FOXP1: variants seen among roughly 807,000 people sequenced by gnomAD.
FOXP1 encodes the protein forkhead box P1.
A neutral mutation model predicts 98.2 loss-of-function variants in FOXP1; 15 were observed. That is an observed-to-expected ratio of 0.15 (90% confidence interval 0.10 to 0.24). The LOEUF is 0.24. FOXP1 is among the 10% of genes least tolerant of loss of function. FOXP1 has a pLI of 1.00. For synonymous variants in FOXP1, 371 were observed against 314.5 expected, an observed-to-expected ratio of 1.18 and a Z score of -1.90; for missense variants, 633 against 848.5, an observed-to-expected ratio of 0.75 and a Z score of 3.15.
intron 4 of FOXP1, among the ~76,000 whole-genome samples, chr3:71,316,505 G>A (rs941434989): frequency 2.0e-5 from 3 of 152,086 alleles, no homozygotes; most frequent in South Asian, 2.1e-4. Flanking sequence ...CGGGTCCCAC[G>A]TGGGGCCCGG....
chr3:71,127,492 C>T (rs915944016), intron 6 of FOXP1, among the ~76,000 whole-genome samples: 3 of 152,270 alleles, frequency 2.0e-5, no homozygotes, highest in South Asian at 2.1e-4. Flanking sequence ...AAATAAAGAA[C>T]GATTAGTCTT....
At position 71,404,120 on chromosome 3, in the gene FOXP1, C is replaced by CTTTTTTTTTTTTTTTTT. The variant is rs869086663; in HGVS notation, c.-167-44893_-167-44877dup. Among the ~76,000 whole-genome samples the CTTTTTTTTTTTTTTTTT allele has an allele frequency of 2.7e-4, 17 of 62,702 alleles. 1 individual carries two copies. The highest frequency in any genetic ancestry group is 3.8e-4 in the African/African-American group (6 of 15,732). 41.1% of individuals were successfully genotyped at this position (62,702 alleles called of 152,430 possible). A position where few individuals can be genotyped will look rare whatever the true frequency, so the allele number is the denominator to read the frequency against. On this transcript the variant is annotated intron_variant, in intron 3 of 20. Coordinates refer to ENST00000649528, the MANE Select transcript of FOXP1 (RefSeq NM_001349338.3). Reference sequence around the variant, plus strand: ...ATTGGGGTTTTTTTCTTTTCTTTTTCTTTTTTTTTTTTTTTTTTTTTTTTG... The same window carrying CTTTTTTTTTTTTTTTTT: ...ATTGGGGTTTTTTTCTTTTCTTTTTCTTTTTTTTTTTTTTTTTTTTTTTTTTTTTTTTTTTTTTTTTG...
At chr3:71,461,788 A>G (rs2088145354) in intron 3 of FOXP1, among the ~76,000 whole-genome samples, 1 of 151,798 alleles carries the variant, frequency 6.6e-6, no homozygotes. Flanking sequence ...AAAAAGAGCG[A>G]GACTCTGTAT....
intron 11 of FOXP1, among the ~76,000 whole-genome samples, chr3:71,017,669 A>G (rs1020867299): frequency 6.6e-6 from 1 of 152,202 alleles, no homozygotes; most frequent in African/African-American, 2.4e-5. Flanking sequence ...TCACGTATCA[A>G]CTTAACTCTA....
chr3:71,238,617 C>A (rs1312165434), intron 5 of FOXP1, among the ~76,000 whole-genome samples: 2 of 152,214 alleles, frequency 1.3e-5, no homozygotes, highest in African/African-American at 4.8e-5. Context: ...AGCACCTATC[C>A]TGAAAAGCTA....
At chr3:71,542,171 A>C (rs1457511442) in intron 2 of FOXP1, 1 of 408,134 alleles carries the variant, frequency 2.5e-6, no homozygotes, top group Non-Finnish European at 4.9e-6. Flanking sequence ...TGAAAAAAAC[A>C]ACACCCTTAA....
chr3:71,225,960 T>C (rs984990060), intron 5 of FOXP1, among the ~76,000 whole-genome samples: 2 of 152,292 alleles, frequency 1.3e-5, no homozygotes, highest in African/African-American at 4.8e-5. Flanking sequence ...TTCAGAGGGC[T>C]TACCAAAAAA....
intron 6 of FOXP1, among the ~76,000 whole-genome samples, chr3:71,189,896 A>G (rs774447874): frequency 6.6e-6 from 1 of 152,192 alleles, no homozygotes; most frequent in African/African-American, 2.4e-5. Flanking sequence ...AGACTTCACT[A>G]AGGGATTCAG....
chr3:71,353,608 T>C (rs2107856765), intron 4 of FOXP1, among the ~76,000 whole-genome samples: 1 of 152,340 alleles, frequency 6.6e-6, no homozygotes, highest in African/African-American at 2.4e-5. Context: ...TATTGTTAAG[T>C]TGCAAGAGTA....
At chr3:71,257,454 A>G (rs2068725870) in intron 5 of FOXP1, among the ~76,000 whole-genome samples, 2 of 151,998 alleles carry the variant, frequency 1.3e-5, no homozygotes, top group South Asian at 4.1e-4. Flanking sequence ...GGGTGGTGGC[A>G]GGCCCCTGTA....
intron 6 of FOXP1, among the ~76,000 whole-genome samples, chr3:71,125,853 C>G (rs2059130814): frequency 6.6e-6 from 1 of 152,200 alleles, no homozygotes; most frequent in Non-Finnish European, 1.5e-5. Context: ...GCACACCAAT[C>G]ACTGTGTCTG....
intron 2 of FOXP1, among the ~76,000 whole-genome samples, chr3:71,533,539 G>C (rs2044034092): frequency 6.6e-6 from 1 of 152,166 alleles, no homozygotes; most frequent in African/African-American, 2.4e-5. Flanking sequence ...AGCTCTGGTA[G>C]TTATGTTTTG....
At chr3:71,373,057 C>G (rs559499025) in intron 3 of FOXP1, among the ~76,000 whole-genome samples, 6 of 152,192 alleles carry the variant, frequency 3.9e-5, no homozygotes, top group Non-Finnish European at 5.9e-5. Flanking sequence ...ATTGTCTGCA[C>G]GCTGAGCTCC....
chr3:71,538,255 TCAC>T (rs549220063), intron 2 of FOXP1, among the ~76,000 whole-genome samples: 166 of 152,308 alleles, frequency 1.1e-3, no homozygotes, highest in African/African-American at 3.9e-3. Context: ...TGTGAAACCA[TCAC>T]CACAATATAA....
chr3:71,355,261 T>C (rs756538900), intron 4 of FOXP1, among the ~76,000 whole-genome samples: 1 of 152,228 alleles, frequency 6.6e-6, no homozygotes, highest in African/African-American at 2.4e-5. Flanking sequence ...ACTGCATGCA[T>C]ACCTACCATA....
intron 2 of FOXP1, among the ~76,000 whole-genome samples, chr3:71,522,817 G>A (rs572106187): frequency 2.0e-4 from 31 of 152,238 alleles, no homozygotes; most frequent in East Asian, 3.9e-4. Flanking sequence ...TGGGCCTACC[G>A]TAAAGTCAAG....
intron 5 of FOXP1, among the ~76,000 whole-genome samples, chr3:71,277,930 T>C (rs2107365881): frequency 6.6e-6 from 1 of 152,206 alleles, no homozygotes; most frequent in South Asian, 2.1e-4. Flanking sequence ...GGCTCACTAA[T>C]ATAAACTCAG....
intron 3 of FOXP1, among the ~76,000 whole-genome samples, chr3:71,458,698 C>A (rs1485504599): frequency 6.6e-6 from 1 of 152,180 alleles, no homozygotes; most frequent in Admixed American, 6.5e-5. Context: ...CTGGTAGAAA[C>A]CCCACCCTGT....
At chr3:71,460,862 G>A (rs1024512729) in intron 3 of FOXP1, among the ~76,000 whole-genome samples, 5 of 152,150 alleles carry the variant, frequency 3.3e-5, no homozygotes, top group Admixed American at 2.0e-4. Flanking sequence ...ATTGTACACC[G>A]TATCTAGCTG....
Sources: allele counts gnomAD v4.1 joint callset (sites outside exome capture counted in the v4.1 genomes callset), GRCh38; gene constraint gnomAD v4.1.1; transcripts MANE v1.5; gene names NCBI Gene and HGNC (gene_info 2026-07-23, HGNC 2026-07-21).